Variants in MTCL3 observed in about 807,000 individuals in gnomAD.
MTCL3 encodes the protein MTCL family member 3.
At chr6:127,510,285 C>A in the MTCL3 span, among the ~76,000 whole-genome samples, 1 of 152,168 alleles carries the variant, frequency 6.6e-6, no homozygotes, top group Non-Finnish European at 1.5e-5. Flanking sequence ...TATATATACC[C>A]ACACTGCTTG....
At chr6:127,477,229 C>T in the MTCL3 span, among the ~76,000 whole-genome samples, 1 of 152,302 alleles carries the variant, frequency 6.6e-6, no homozygotes, top group Admixed American at 6.5e-5. Context: ...GTTGTACTCC[C>T]ATCAGTCTGA....
chr6:127,505,221 G>A, the MTCL3 span, among the ~76,000 whole-genome samples: 1 of 152,172 alleles, frequency 6.6e-6, no homozygotes, highest in South Asian at 2.1e-4. Flanking sequence ...TAGCAATGGC[G>A]AGATAACTGT....
At chr6:127,515,147 A>T in the MTCL3 span, 4 of 1,085,276 alleles carry the variant, frequency 3.7e-6, no homozygotes, top group Non-Finnish European at 5.6e-6. This position sits in a 1 kb window ranked among gnomAD's most constrained non-coding sequence, Gnocchi z 4.3. Flanking sequence ...CTCAGCTTTA[A>T]TTGCCCTCTC....
the MTCL3 span, chr6:127,475,414 A>C: frequency 6.2e-7 from 1 of 1,613,162 alleles, no homozygotes; most frequent in Non-Finnish European, 8.5e-7. This position sits in a 1 kb window ranked among gnomAD's most constrained non-coding sequence, Gnocchi z 7.3. Context: ...GATGCGGTAG[A>C]GCAGCTCGTG....
At chr6:127,479,832 T>C in the MTCL3 span, among the ~76,000 whole-genome samples, 1 of 152,224 alleles carries the variant, frequency 6.6e-6, no homozygotes, top group Admixed American at 6.5e-5. Flanking sequence ...TATGCCAATA[T>C]GCCTTGCATC....
the MTCL3 span, chr6:127,516,040 G>T: frequency 2.6e-6 from 4 of 1,559,074 alleles, no homozygotes; most frequent in African/African-American, 4.1e-5. Flanking sequence ...GCCCCTGGGC[G>T]GCGGCGGCTG....
chr6:127,513,190 A>G, the MTCL3 span: 1 of 744,682 alleles, frequency 1.3e-6, no homozygotes, highest in Non-Finnish European at 2.1e-6. Flanking sequence ...CAAAGTATAC[A>G]TATAAGCCAT....
chr6:127,517,059 T>C, the MTCL3 span, among the ~76,000 whole-genome samples: 1 of 152,292 alleles, frequency 6.6e-6, no homozygotes, highest in Non-Finnish European at 1.5e-5. Context: ...AGAAAAGATA[T>C]CCATATATTA....
the MTCL3 span, among the ~76,000 whole-genome samples, chr6:127,500,497 C>T: frequency 6.6e-6 from 1 of 152,010 alleles, no homozygotes; most frequent in Non-Finnish European, 1.5e-5. Flanking sequence ...TCATTGATAG[C>T]ATTGAATTGT....
At chr6:127,484,489 G>A in the MTCL3 span, among the ~76,000 whole-genome samples, 3 of 152,140 alleles carry the variant, frequency 2.0e-5, no homozygotes, top group African/African-American at 7.2e-5. Context: ...AATAAAGTGA[G>A]CTAAACTAAG....
chr6:127,476,367 A>T, the MTCL3 span: 2 of 1,614,190 alleles, frequency 1.2e-6, no homozygotes, highest in South Asian at 2.2e-5. This position sits in a 1 kb window ranked among gnomAD's most constrained non-coding sequence, Gnocchi z 4.4. Flanking sequence ...GCTCGTGTTC[A>T]AATCTGTCCT....
At chr6:127,478,887 T>G in the MTCL3 span, among the ~76,000 whole-genome samples, 1 of 151,616 alleles carries the variant, frequency 6.6e-6, no homozygotes, top group African/African-American at 2.4e-5. Flanking sequence ...CATGGTGGCA[T>G]GCGCCTGTAG....
chr6:127,506,512 CTAATTT>C, the MTCL3 span, among the ~76,000 whole-genome samples: 1 of 152,128 alleles, frequency 6.6e-6, no homozygotes, highest in Admixed American at 6.5e-5. Flanking sequence ...GCGTTTTTAC[CTAATTT>C]TAAAACCCTT....
the MTCL3 span, among the ~76,000 whole-genome samples, chr6:127,473,558 C>T: frequency 3.1e-3 from 471 of 152,320 alleles, 13 homozygotes; most frequent in Admixed American, 0.028. Flanking sequence ...ATAGCACTTT[C>T]TCTCACTCTA....
chr6:127,485,655 T>C, the MTCL3 span, among the ~76,000 whole-genome samples: 49 of 152,156 alleles, frequency 3.2e-4, no homozygotes, highest in Admixed American at 6.5e-4. Context: ...ATTCATTTCA[T>C]AGGTATTTAG....
At chr6:127,479,412 T>C in the MTCL3 span, among the ~76,000 whole-genome samples, 1 of 152,186 alleles carries the variant, frequency 6.6e-6, no homozygotes, top group Admixed American at 6.5e-5. Context: ...CAAGAGTAGA[T>C]GAGACTGGGA....
At chr6:127,487,314 G>A in the MTCL3 span, among the ~76,000 whole-genome samples, 858 of 152,212 alleles carry the variant, frequency 5.6e-3, 7 homozygotes, top group African/African-American at 0.019. Flanking sequence ...AGCAAGGTTT[G>A]GGGTACTAGG....
chr6:127,503,278 T>C, the MTCL3 span, among the ~76,000 whole-genome samples: 1 of 152,176 alleles, frequency 6.6e-6, no homozygotes, highest in South Asian at 2.1e-4. Flanking sequence ...CTCTGAGCCT[T>C]AGAGTCTTCA....
chr6:127,487,165 C>A, the MTCL3 span, among the ~76,000 whole-genome samples: 1 of 152,128 alleles, frequency 6.6e-6, no homozygotes, highest in Non-Finnish European at 1.5e-5. Flanking sequence ...AGTGTTAGAA[C>A]CAGGATGCAA....
Sources: gnomAD v4.1 joint callset for allele counts (sites outside exome capture counted in the v4.1 genomes callset) on GRCh38, gnomAD v4.1.1 for gene constraint, Gnocchi (gnomAD v3.1) non-coding constraint, MANE v1.5 for transcripts, NCBI Gene and HGNC (gene_info 2026-07-23, HGNC 2026-07-21) for gene names.